The following STX8 variants were observed in gnomAD, a reference collection of about 807,000 sequenced individuals.
STX8 encodes the protein syntaxin 8.
Under a neutral mutation model 37.5 loss-of-function variants are expected in STX8, and 23 were observed. That is an observed-to-expected ratio of 0.61 (90% CI 0.44 to 0.87). The LOEUF (loss-of-function observed/expected upper bound fraction) is 0.87, where lower values mean the gene tolerates loss of function less well. Ranked by LOEUF, STX8 falls within the 40% of genes least tolerant of loss-of-function variation. The pLI is 0.00. For missense variants in STX8, 313 were observed against 284.7 expected (o/e 1.10, Z -0.71); for synonymous variants, 115 against 99.1 (o/e 1.16, Z -0.95).
At chr17:9,334,722 G>T (rs1910082458) in intron 7 of STX8, among the ~76,000 whole-genome samples, 2 of 152,188 alleles carry the variant, frequency 1.3e-5, no homozygotes, top group South Asian at 2.1e-4. Flanking sequence ...TTGGCTCATG[G>T]TTCTGAAGGC....
intron 4 of STX8, among the ~76,000 whole-genome samples, chr17:9,534,939 G>T (rs1225667278): frequency 6.6e-6 from 1 of 152,126 alleles, no homozygotes. Flanking sequence ...TCCAGAAATA[G>T]ATCAAAATAC....
At chr17:9,563,840 C>G (rs1402544981) in intron 2 of STX8, among the ~76,000 whole-genome samples, 1 of 151,994 alleles carries the variant, frequency 6.6e-6, no homozygotes, top group Non-Finnish European at 1.5e-5. Flanking sequence ...CAAAAGTCCT[C>G]AAAAAAATAC....
intron 6 of STX8, among the ~76,000 whole-genome samples, chr17:9,419,975 T>TAAA: frequency 6.6e-6 from 1 of 152,228 alleles, no homozygotes; most frequent in Non-Finnish European, 1.5e-5. Context: ...TACTGTGGTT[T>TAAA]ATTGTGCAGT....
chr17:9,430,039 AGAATAT>A (rs1913881669), intron 6 of STX8, among the ~76,000 whole-genome samples: 1 of 24,594 alleles, frequency 4.1e-5, no homozygotes, highest in Non-Finnish European at 8.2e-5. Context: ...TATATTCTAT[AGAATAT>A]ATATATTCTA....
chr17:9,525,125 A>G (rs1290922204), intron 4 of STX8, among the ~76,000 whole-genome samples: 1 of 151,820 alleles, frequency 6.6e-6, no homozygotes, highest in East Asian at 1.9e-4. Flanking sequence ...CACGCTTTTA[A>G]CTATGTCATC....
intron 6 of STX8, among the ~76,000 whole-genome samples, chr17:9,411,083 A>G (rs891244530): frequency 1.3e-5 from 2 of 152,224 alleles, no homozygotes; most frequent in African/African-American, 4.8e-5. Flanking sequence ...GCAAACAAAT[A>G]TATACTTTAT....
chr17:9,478,817 T>C (rs941663258), intron 6 of STX8, among the ~76,000 whole-genome samples: 1 of 152,166 alleles, frequency 6.6e-6, no homozygotes. Flanking sequence ...TCACAGGAGA[T>C]ATCCCCGTTT....
At chr17:9,506,110 C>T (rs552452428) in intron 4 of STX8, among the ~76,000 whole-genome samples, 5 of 152,190 alleles carry the variant, frequency 3.3e-5, no homozygotes, top group Admixed American at 2.0e-4. Flanking sequence ...CCTTTCTGCA[C>T]GAGACCAGTT....
At chr17:9,281,215 C>T (rs1321021783) in intron 7 of STX8, among the ~76,000 whole-genome samples, 1 of 152,094 alleles carries the variant, frequency 6.6e-6, no homozygotes, top group East Asian at 1.9e-4. Flanking sequence ...ATGACAGAGG[C>T]TGAAGTCAAG....
chr17:9,287,500 G>A (rs1243610948), intron 7 of STX8, among the ~76,000 whole-genome samples: 2 of 152,150 alleles, frequency 1.3e-5, no homozygotes, highest in African/African-American at 4.8e-5. Context: ...TTTTCATAGG[G>A]CATGAGAAGC....
chr17:9,451,416 A>T (rs936252113), intron 6 of STX8, among the ~76,000 whole-genome samples: 1 of 152,214 alleles, frequency 6.6e-6, no homozygotes, highest in Non-Finnish European at 1.5e-5. Flanking sequence ...TTTCCAAAGT[A>T]AGCACTAATT....
chr17:9,355,754 C>T (rs561220494), intron 7 of STX8, among the ~76,000 whole-genome samples: 2 of 152,098 alleles, frequency 1.3e-5, no homozygotes, highest in Admixed American at 6.5e-5. Flanking sequence ...GTGATCTGCC[C>T]GCCTCAGCCT....
chr17:9,341,874 A>C (rs1308368029), intron 7 of STX8, among the ~76,000 whole-genome samples: 3 of 152,202 alleles, frequency 2.0e-5, no homozygotes, highest in African/African-American at 7.2e-5. Context: ...GTTTGGCTAT[A>C]GTGGGAGGTT....
At chr17:9,486,845 T>C (rs1267263530) in intron 6 of STX8, among the ~76,000 whole-genome samples, 1 of 151,482 alleles carries the variant, frequency 6.6e-6, no homozygotes, top group African/African-American at 2.4e-5. Context: ...GGCAACAGAG[T>C]GAGACCAGAA....
At chr17:9,426,263 A>G (rs1913625151) in intron 6 of STX8, among the ~76,000 whole-genome samples, 1 of 152,158 alleles carries the variant, frequency 6.6e-6, no homozygotes, top group Non-Finnish European at 1.5e-5. Context: ...ACGATGGCTC[A>G]CGCCTGTAAT....
At position 9,378,647 on chromosome 17, in the gene STX8, A is replaced by G; in HGVS notation, c.548T>C (p.Ile183Thr). ...GNELDEQNEIIDDLANLVENT... is the reference protein window; with the variant it reads ...GNELDEQNEITDDLANLVENT... The stretch of plus-strand genomic sequence containing the variant: ...CTCCACTAGGTTGGCAAGGTCGTCA[A>G]TTATCTCTAGAAAGGAAACATACAT... The change falls in exon 7 of 8, where the codon ATT becomes ACT. Residue 183 changes from isoleucine (I) to threonine (T), a missense_variant. Ile to Thr is a moderately conservative substitution (Grantham distance 89). Transcript: ENST00000306357. 1.2e-6 allele frequency: 2 copies of G among 1,612,828 alleles called. No homozygotes were observed. The highest frequency in any genetic ancestry group is 1.1e-5 in the South Asian group (1 of 91,060).
chr17:9,400,407 T>A (rs1455257715), intron 6 of STX8, among the ~76,000 whole-genome samples: 5 of 136,606 alleles, frequency 3.7e-5, no homozygotes, highest in African/African-American at 1.3e-4. Context: ...GCTTATTTAT[T>A]TATTTTTTTT....
intron 6 of STX8, among the ~76,000 whole-genome samples, chr17:9,485,591 G>GT (rs5819231): frequency 0.23 from 33,262 of 145,850 alleles, 3,825 homozygotes; most frequent in Middle Eastern, 0.29. Flanking sequence ...TTGTTTTTTG[G>GT]TTTTTTTTTT....
intron 4 of STX8, among the ~76,000 whole-genome samples, chr17:9,537,864 AT>A (rs1185731128): frequency 1.3e-5 from 2 of 152,050 alleles, no homozygotes; most frequent in East Asian, 1.9e-4. Flanking sequence ...AATACAATCT[AT>A]TTTTTTGAAC....
Sources: allele counts gnomAD v4.1 joint callset (sites outside exome capture counted in the v4.1 genomes callset), GRCh38; gene constraint gnomAD v4.1.1; transcripts MANE v1.5; gene names NCBI Gene and HGNC (gene_info 2026-07-23, HGNC 2026-07-21).